The following CLUAP1 variants were observed in gnomAD, a reference collection of about 807,000 sequenced individuals.
CLUAP1 encodes the protein clusterin-associated protein 1.
CLUAP1 carries 50 observed loss-of-function variants against 55.0 expected under a neutral mutation model. That is an observed-to-expected ratio of 0.91 (90% CI 0.72 to 1.15). CLUAP1 has a LOEUF of 1.15. Among genes scored for constraint, CLUAP1 ranks in the 50% most tolerant of loss-of-function variants. CLUAP1 has a pLI of 0.00. For synonymous variants in CLUAP1, 195 were observed against 175.4 expected, an observed-to-expected ratio of 1.11 and a Z score of -0.88; for missense variants, 530 against 507.6, an observed-to-expected ratio of 1.04 and a Z score of -0.42.
intron 10 of CLUAP1, among the ~76,000 whole-genome samples, chr16:3,531,159 G>A (rs1220976074): frequency 6.6e-6 from 1 of 152,194 alleles, no homozygotes; most frequent in African/African-American, 2.4e-5. Flanking sequence ...GCTCGGAGCT[G>A]TAGTATGTGA....
intron 1 of CLUAP1, among the ~76,000 whole-genome samples, chr16:3,502,493 G>A (rs1302524983): frequency 6.6e-6 from 1 of 150,878 alleles, no homozygotes; most frequent in Non-Finnish European, 1.5e-5. Flanking sequence ...AATTTGGTGT[G>A]ATCCGAGGGG....
chr16:3,527,984 C>T lies in CLUAP1; in HGVS notation c.928+1500C>T, dbSNP rs181325725. ...GGGCCACTATCAGTCTCCACGTCTT[C>T]GTGGTAGTGGTCCCCCAAGCCCGGC... On this transcript the variant is annotated intron_variant, in intron 9 of 11. Transcript: ENST00000576634. Among the ~76,000 whole-genome samples, 660 of 152,322 alleles carry T rather than the reference C, an allele frequency of 4.3e-3. 4 individuals are homozygous for T. Among genetic ancestry groups the T allele is most frequent in the African/African-American group, 0.014 (591 of 41,560 alleles).
intron 9 of CLUAP1, among the ~76,000 whole-genome samples, chr16:3,529,486 ATAAT>A (rs2038021387): frequency 1.2e-5 from 1 of 81,256 alleles, no homozygotes; most frequent in Non-Finnish European, 2.2e-5. Context: ...TATATATTAT[ATAAT>A]TATATTATAT....
chr16:3,511,695 C>T (rs1230499956), intron 4 of CLUAP1, among the ~76,000 whole-genome samples: 2 of 152,164 alleles, frequency 1.3e-5, no homozygotes, highest in East Asian at 3.9e-4. Context: ...GTTGTGGCTT[C>T]AGTTTGAGGT....
chr16:3,527,617 G>A (rs997072753), intron 9 of CLUAP1, among the ~76,000 whole-genome samples: 3 of 151,908 alleles, frequency 2.0e-5, no homozygotes, highest in Non-Finnish European at 2.9e-5. Flanking sequence ...AGTCAGGCCC[G>A]CCCGCAGTTA....
intron 6 of CLUAP1, 95 bp downstream of exon 6, chr16:3,515,686 T>C (rs2037717401): frequency 1.3e-6 from 1 of 758,030 alleles, no homozygotes; most frequent in African/African-American, 1.9e-5. Flanking sequence ...CTAGGCTTAG[T>C]AACAAGGGAT....
chr16:3,520,808 T>C (rs1390635169), intron 7 of CLUAP1, among the ~76,000 whole-genome samples: 3 of 152,204 alleles, frequency 2.0e-5, no homozygotes, highest in Non-Finnish European at 4.4e-5. Context: ...TCATTGGAAA[T>C]ATATTTCCCA....
rs2038252874 is a variant in CLUAP1 at position 3,537,344 on chromosome 16, T to C, written c.*1073T>C. On this transcript the variant is annotated 3_prime_UTR_variant, in exon 12 of 12. Coordinates refer to ENST00000576634, the MANE Select transcript of CLUAP1 (RefSeq NM_015041.3). The stretch of plus-strand genomic sequence containing the variant: ...GTGAAATTAGAAGTGGAGTTGGTTT[T>C]TTTCTTTTTTCTTCTTCTTTTTTTT... The C allele has an allele frequency of 6.6e-6, 1 of 152,180 alleles. No homozygotes were observed. Among genetic ancestry groups the C allele is most frequent in the African/African-American group, 2.4e-5 (1 of 41,422 alleles). 9.4% of individuals were successfully genotyped at this position (152,180 alleles called of 1,614,324 possible).
intron 8 of CLUAP1, among the ~76,000 whole-genome samples, chr16:3,525,961 C>T (rs1268408186): frequency 6.6e-6 from 1 of 152,166 alleles, no homozygotes; most frequent in Non-Finnish European, 1.5e-5. Flanking sequence ...ACCTGTCCCA[C>T]CATTTAGCAT....
At chr16:3,512,201 A>G (rs1429283070) in intron 4 of CLUAP1, among the ~76,000 whole-genome samples, 182 bp from the exon 5 acceptor site, 7 of 151,942 alleles carry the variant, frequency 4.6e-5, no homozygotes, top group Non-Finnish European at 1.5e-5. Flanking sequence ...AAAAAAAAAA[A>G]AAAATCTGTG....
chr16:3,509,748 CT>C (rs2037583730), intron 4 of CLUAP1: 1 of 152,380 alleles, frequency 6.6e-6, no homozygotes. Context: ...GGGAAGAAAG[CT>C]TCCCCTGTGA....
chr16:3,521,581 G>A (rs2037834941), intron 7 of CLUAP1, among the ~76,000 whole-genome samples: 1 of 151,570 alleles, frequency 6.6e-6, no homozygotes, highest in South Asian at 2.1e-4. Flanking sequence ...ATTACAGGCG[G>A]CCGCCACCAC....
chr16:3,525,547 C>A (rs560304253), intron 8 of CLUAP1, among the ~76,000 whole-genome samples: 32 of 151,818 alleles, frequency 2.1e-4, no homozygotes, highest in African/African-American at 5.6e-4. Flanking sequence ...CCCTCCCCCC[C>A]ACTCTCTCTC....
chr16:3,506,326 G>C lies in CLUAP1; in HGVS notation c.135-5G>C, dbSNP rs766637733. On this transcript the variant is annotated splice_region_variant and splice_polypyrimidine_tract_variant and intron_variant, in intron 2 of 11. Coordinates refer to ENST00000576634, the MANE Select transcript of CLUAP1 (RefSeq NM_015041.3). ...CGTGCTCTCTCCTCTTACCTCTCTT[G>C]ATAGATATGAGCCCCAGACTGACAT... The C allele has an allele frequency of 1.2e-6, 2 of 1,612,642 alleles. No individual in the cohort carries two copies. The highest frequency in any genetic ancestry group is 1.7e-6 in the Non-Finnish European group (2 of 1,178,878).
rs528857377 is a variant in CLUAP1, at chr16:3,507,430, C to T, written c.220-859C>T. 4.0e-5 allele frequency among the ~76,000 whole-genome samples: 6 copies of T among 151,224 alleles called. No individual in the cohort carries two copies. The East Asian group carries it at 5.9e-4, about 15-fold the overall frequency. On this transcript the variant is annotated intron_variant, in intron 3 of 11. Transcript: ENST00000576634. ...AAAAAATTAGATGGGCCTGGTGACACGTGCCTGTAGTCTCAGGTGCTTGGG... is the reference window on the plus strand; with the variant it reads ...AAAAAATTAGATGGGCCTGGTGACATGTGCCTGTAGTCTCAGGTGCTTGGG...
intron 3 of CLUAP1, among the ~76,000 whole-genome samples, chr16:3,506,662 C>A (rs2037513038): frequency 6.6e-6 from 1 of 152,044 alleles, no homozygotes; most frequent in Non-Finnish European, 1.5e-5. Flanking sequence ...GCCACCACAC[C>A]TGGCTAATTT....
chr16:3,502,333 A>G (rs575686270), intron 1 of CLUAP1, among the ~76,000 whole-genome samples: 2 of 151,768 alleles, frequency 1.3e-5, no homozygotes, highest in Admixed American at 1.3e-4. Flanking sequence ...AGTCCCAGGT[A>G]CTTGGGAAGC....
chr16:3,527,755 A>G (rs904823354), intron 9 of CLUAP1, among the ~76,000 whole-genome samples: 16 of 152,096 alleles, frequency 1.1e-4, no homozygotes, highest in African/African-American at 3.9e-4. Context: ...TGGAAGTACT[A>G]AAAGTCTCTG....
At chr16:3,527,788 G>A (rs992943413) in intron 9 of CLUAP1, among the ~76,000 whole-genome samples, 2 of 152,128 alleles carry the variant, frequency 1.3e-5, no homozygotes, top group Non-Finnish European at 2.9e-5. Context: ...AATGGCGTAA[G>A]CTGTCTCTCT....
Sources: allele counts gnomAD v4.1 joint callset (sites outside exome capture counted in the v4.1 genomes callset), GRCh38; gene constraint gnomAD v4.1.1; transcripts MANE v1.5; gene names NCBI Gene and HGNC (gene_info 2026-07-23, HGNC 2026-07-21).